CNIH3: variants seen among roughly 807,000 people sequenced by gnomAD.
CNIH3 encodes the protein protein cornichon homolog 3.
CNIH3 carries 14 observed loss-of-function variants against 24.1 expected under a neutral mutation model. The ratio of observed to expected loss-of-function variants is 0.58; its 90% CI spans 0.38 to 0.91. The LOEUF (loss-of-function observed/expected upper bound fraction) is 0.91. CNIH3 is among the 40% of genes least tolerant of loss of function. CNIH3 has a pLI of 0.00. For missense variants in CNIH3, 178 were observed against 196.8 expected (o/e 0.90, Z 0.57); for synonymous variants, 68 against 73.8 (o/e 0.92, Z 0.40).
rs1688172499 is a variant in CNIH3 at position 224,711,842 on chromosome 1, C to T, written c.199-18620C>T. ...AAGAACCAGGAAGTTTTGTTGGCTT[C>T]TCTAAAGCCTCTTGCCAACTTTTGC... On this transcript the variant is annotated intron_variant, in intron 3 of 5. Transcript: ENST00000272133. Among the ~76,000 whole-genome samples the T allele has an allele frequency of 2.0e-5, 3 of 148,250 alleles. No homozygotes were observed. In the South Asian group the frequency reaches 6.6e-4, roughly 32 times the overall value.
At chr1:224,459,179 C>T in intron 1 of CNIH3, 1 of 900,110 alleles carries the variant, frequency 1.1e-6, no homozygotes, top group Non-Finnish European at 1.3e-6. Flanking sequence ...TCCCCTCTTT[C>T]TTCCTTCTAC....
rs753813287 is a variant in CNIH3 at position 224,734,560 on chromosome 1, C to T, written c.312-3C>T. 2 of 1,614,050 alleles carry T rather than the reference C, an allele frequency of 1.2e-6. No homozygotes were observed. Among genetic ancestry groups the T allele is most frequent in the Admixed American group, 1.7e-5 (1 of 60,022 alleles). ...GAGACAATGATGTCCTCTCTCCCTGCAGGTATTTCCACTGTCCAGCAGATA... is the reference window on the plus strand; with the variant it reads ...GAGACAATGATGTCCTCTCTCCCTGTAGGTATTTCCACTGTCCAGCAGATA... On this transcript the variant is annotated splice_region_variant and splice_polypyrimidine_tract_variant and intron_variant, in intron 4 of 5. Coordinates refer to ENST00000272133, the MANE Select transcript of CNIH3 (RefSeq NM_152495.2).
At chr1:224,724,372 C>T (rs1046640624) in intron 3 of CNIH3, among the ~76,000 whole-genome samples, 2 of 152,148 alleles carry the variant, frequency 1.3e-5, no homozygotes, top group East Asian at 3.9e-4. Context: ...TTTCCAAAGA[C>T]GACCTTCATC....
At chr1:224,681,047 A>C in intron 2 of CNIH3, 21 bp downstream of exon 2, 2 of 1,609,076 alleles carry the variant, frequency 1.2e-6, no homozygotes, top group Non-Finnish European at 1.7e-6. Context: ...GGTACTGGTG[A>C]GGGGAAGGTG....
At chr1:224,463,971 A>G (rs1292978556) in intron 1 of CNIH3, among the ~76,000 whole-genome samples, 1 of 147,044 alleles carries the variant, frequency 6.8e-6, no homozygotes, top group Non-Finnish European at 1.5e-5. Context: ...TTGTGTTTTT[A>G]GTAGAGACGG....
In CNIH3 at chr1:224,616,971, C is replaced by T; in HGVS notation, c.-204C>T. ...CGTTTTCCTGTCTTCGCCGGAGGGC[C>T]GGGTCTGGGGTCGCCGGAGCCTGCG... is the stretch of plus-strand genomic sequence containing the variant. On this transcript the variant is annotated 5_prime_UTR_variant, in exon 1 of 6. Coordinates refer to ENST00000272133, the MANE Select transcript of CNIH3 (RefSeq NM_152495.2). 1 of 1,397,064 alleles carries T rather than the reference C, an allele frequency of 7.2e-7. No individual in the cohort carries two copies. Among genetic ancestry groups the T allele is most frequent in the South Asian group, 1.9e-5 (1 of 53,596 alleles). 86.5% of individuals were successfully genotyped at this position (1,397,064 alleles called of 1,614,324 possible). A position where few individuals can be genotyped will look rare whatever the true frequency, so the allele number is the denominator to read the frequency against.
Position 224,599,534 on chromosome 1 carries a change from TATC to T in CNIH3, n.402+33273_402+33275del, listed in dbSNP as rs1019949789. ...CAATTTAATAATTTGTCATTTAAAT[TATC>T]ATATTTATATTATATAGATTTATAT... On this transcript the variant is annotated intron_variant and non_coding_transcript_variant, in intron 3 of 7. Coordinates refer to the CNIH3 transcript ENST00000478120. Among the ~76,000 whole-genome samples the T allele has an allele frequency of 1.4e-4, 22 of 152,032 alleles. No individual in the cohort carries two copies. In the South Asian group the frequency reaches 2.1e-3, roughly 14 times the overall value.
intron 3 of CNIH3, chr1:224,547,025 A>T (rs1250179886): frequency 2.7e-6 from 1 of 372,242 alleles, no homozygotes; most frequent in African/African-American, 2.2e-5. Context: ...GTGAGTACCT[A>T]ATGGGCCCAC....
upstream of CNIH3, among the ~76,000 whole-genome samples, chr1:224,515,497 C>T (rs751854523): frequency 6.6e-6 from 1 of 152,146 alleles, no homozygotes; most frequent in Non-Finnish European, 1.5e-5. Flanking sequence ...TTCAAAGACT[C>T]TTTTGGTAAT....
intron 2 of CNIH3, among the ~76,000 whole-genome samples, chr1:224,542,844 G>A (rs1482170575): frequency 6.6e-6 from 1 of 152,186 alleles, no homozygotes; most frequent in Non-Finnish European, 1.5e-5. Flanking sequence ...ATATTCTCCT[G>A]CTATTGTATA....
At chr1:224,462,708 C>T (rs1297799878) in intron 1 of CNIH3, among the ~76,000 whole-genome samples, 2 of 137,378 alleles carry the variant, frequency 1.5e-5, no homozygotes, top group Non-Finnish European at 3.1e-5. Context: ...GGTGTGATCA[C>T]GGCTCACCAG....
chr1:224,575,042 G>A lies in CNIH3; in HGVS notation n.517-8122G>A, dbSNP rs1307491099. 7 of 883,952 alleles carry A rather than the reference G, an allele frequency of 7.9e-6. No individual in the cohort carries two copies. In the African/African-American group the frequency reaches 9.8e-5, roughly 12 times the overall value. The allele number at this position is 883,952 out of a possible 1,614,324, so 54.8% of individuals were successfully genotyped here. A position where few individuals can be genotyped will look rare whatever the true frequency, so the allele number is the denominator to read the frequency against. On this transcript the variant is annotated intron_variant and non_coding_transcript_variant, in intron 4 of 5. Transcript: ENST00000471578. ...AGGAGAAGTTAATCCAGTACTGCCA[G>A]TCCAAAGGCATCATGGTGACTGCCT... is the stretch of plus-strand genomic sequence containing the variant.
chr1:224,518,923 A>G (rs56311718), intron 1 of CNIH3, among the ~76,000 whole-genome samples: 13,314 of 152,224 alleles, frequency 0.087, 768 homozygotes, highest in Non-Finnish European at 0.13. Flanking sequence ...AATGGGTTCA[A>G]TCTCTTAGTG....
At chr1:224,594,365 C>T (rs1681889271) in intron 3 of CNIH3, among the ~76,000 whole-genome samples, 1 of 152,156 alleles carries the variant, frequency 6.6e-6, no homozygotes, top group African/African-American at 2.4e-5. Context: ...CTTATCTAAG[C>T]TATTAGAGCT....
intron 3 of CNIH3, among the ~76,000 whole-genome samples, chr1:224,552,121 A>C (rs1419250822): frequency 6.6e-6 from 1 of 151,444 alleles, no homozygotes; most frequent in African/African-American, 2.4e-5. Context: ...GAAGTCATAT[A>C]TCTCCCTTAG....
intron 1 of CNIH3, among the ~76,000 whole-genome samples, chr1:224,503,455 T>G (rs1479357498): frequency 2.0e-5 from 3 of 152,186 alleles, no homozygotes; most frequent in Non-Finnish European, 4.4e-5. Flanking sequence ...ACTCTCACTC[T>G]GAAACAGCCA....
intron 1 of CNIH3, among the ~76,000 whole-genome samples, chr1:224,482,124 C>A (rs1038249454): frequency 2.6e-5 from 4 of 152,126 alleles, no homozygotes; most frequent in South Asian, 4.1e-4. Flanking sequence ...TGGGACTCAC[C>A]CTTCAGGGCA....
intron 3 of CNIH3, among the ~76,000 whole-genome samples, chr1:224,596,873 C>T (rs1682001882): frequency 2.0e-5 from 3 of 152,096 alleles, no homozygotes; most frequent in African/African-American, 7.2e-5. Context: ...AGAATCTTGG[C>T]CGGGTGTGGT....
At chr1:224,530,592 T>TA (rs1271793075) in intron 2 of CNIH3, among the ~76,000 whole-genome samples, 15 of 149,100 alleles carry the variant, frequency 1.0e-4, no homozygotes, top group Non-Finnish European at 1.8e-4. Flanking sequence ...CCTACATTTC[T>TA]TTTTTTTTTC....
Sources: allele counts gnomAD v4.1 joint callset (sites outside exome capture counted in the v4.1 genomes callset), GRCh38; gene constraint gnomAD v4.1.1; transcripts MANE v1.5; gene names NCBI Gene and HGNC (gene_info 2026-07-23, HGNC 2026-07-21).